The following DNMT1 variants were observed in gnomAD, a reference collection of about 807,000 sequenced individuals.
DNMT1 encodes the protein DNA methyltransferase 1.
Under a neutral mutation model 205.3 loss-of-function variants are expected in DNMT1, and 24 were observed. The ratio of observed to expected loss-of-function variants is 0.12; its 90% confidence interval spans 0.08 to 0.16. The LOEUF (loss-of-function observed/expected upper bound fraction) is 0.16, where lower values mean the gene tolerates loss of function less well. Among genes scored for constraint, DNMT1 ranks in the 10% least tolerant of loss-of-function variants. The pLI is 1.00. For synonymous variants in DNMT1, 817 were observed against 839.8 expected, an observed-to-expected ratio of 0.97 and a Z score of 0.47; for missense variants, 1,293 against 2,177.7, an observed-to-expected ratio of 0.59 and a Z score of 8.09.
Position 10,143,873 on chromosome 19 carries a change from G to A in DNMT1, c.3009C>T (p.Ala1003=). The change falls in exon 29 of 41, where the codon GCC becomes GCT. Residue 1003 remains alanine (A), a synonymous_variant. Coordinates refer to ENST00000359526, the MANE Select transcript of DNMT1 (RefSeq NM_001130823.3). The part of the protein sequence containing the change: ...SDYIKGSNLD[A]PEPYRIGRIK... Reference sequence around the variant, plus strand: ...TCCGGCCAATTCGGTAGGGCTCAGGGGCATCCAGGTTGCTGCCTTTGATGT... The same window carrying A: ...TCCGGCCAATTCGGTAGGGCTCAGGAGCATCCAGGTTGCTGCCTTTGATGT... 3 of 1,614,178 alleles carry A rather than the reference G, an allele frequency of 1.9e-6. No homozygotes were observed. Among genetic ancestry groups the A allele is most frequent in the Non-Finnish European group, 1.7e-6 (2 of 1,180,042 alleles).
intron 9 of DNMT1, among the ~76,000 whole-genome samples, 160 bp from the exon 10 acceptor site, chr19:10,168,524 T>G (rs2038739489): frequency 6.6e-6 from 1 of 152,162 alleles, no homozygotes. Flanking sequence ...GCCTGTAATC[T>G]CAGAACTTTG....
At chr19:10,142,332 A>AG in intron 29 of DNMT1, 112 bp from the exon 30 acceptor site, 1 of 1,475,118 alleles carries the variant, frequency 6.8e-7, no homozygotes, top group Non-Finnish European at 9.3e-7. Context: ...AAGACCCCCT[A>AG]GTTCGAGAAC....
intron 27 of DNMT1, among the ~76,000 whole-genome samples, chr19:10,148,273 G>C (rs2038246128): frequency 6.6e-6 from 1 of 151,368 alleles, no homozygotes; most frequent in South Asian, 2.1e-4. Flanking sequence ...AAGGCGGGCA[G>C]ATCACAAGGT....
At chr19:10,149,717 A>G (rs2038294780) in intron 25 of DNMT1, 60 bp from the exon 26 acceptor site, 26 of 1,611,566 alleles carry the variant, frequency 1.6e-5, no homozygotes, top group Non-Finnish European at 2.2e-5. Flanking sequence ...ATATGTGACC[A>G]AGTCTATGCA....
chr19:10,177,219 T>C, intron 6 of DNMT1, 73 bp downstream of exon 6: 1 of 1,369,248 alleles, frequency 7.3e-7, no homozygotes, highest in Non-Finnish European at 1.0e-6. Context: ...AATTGCCACG[T>C]GACGCCCTAC....
In DNMT1 at chr19:10,191,400, T is replaced by A. The variant is rs190441512; in HGVS notation, c.80+3420A>T. Reference sequence around the variant, plus strand: ...AAAAAAGTCTGTGGAGTGAGTCATATAAACTACAATTTCAATGTCTACCAC... The same window carrying A: ...AAAAAAGTCTGTGGAGTGAGTCATAAAAACTACAATTTCAATGTCTACCAC... On this transcript the variant is annotated intron_variant, in intron 1 of 40. Transcript: ENST00000359526. Among the ~76,000 whole-genome samples, 269 of 148,796 alleles carry A rather than the reference T, an allele frequency of 1.8e-3. 1 individual carries two copies. Among genetic ancestry groups the A allele is most frequent in the Non-Finnish European group, 2.7e-4 (18 of 67,544 alleles).
intron 12 of DNMT1, 155 bp from the exon 13 acceptor site, chr19:10,162,903 G>A (rs925150033): frequency 9.9e-5 from 72 of 730,558 alleles, no homozygotes; most frequent in Non-Finnish European, 1.5e-4. Flanking sequence ...ATCCCGAGAC[G>A]AGGCCTTCAG....
In DNMT1 at chr19:10,137,736, T is replaced by G; in HGVS notation, c.4293+96A>C. ...TCGGGAGGAGGAGCCTGGGATCAGA[T>G]TCCATGTCTCCCCTGAGTCTTGGGC... is the stretch of plus-strand genomic sequence containing the variant. On this transcript the variant is annotated intron_variant, in intron 36 of 40. Transcript: ENST00000359526. This position sits in a 1 kb window ranked among gnomAD's most constrained non-coding sequence, Gnocchi z 6.4. The G allele has an allele frequency of 2.0e-6, 3 of 1,494,972 alleles. No homozygotes were observed. Among genetic ancestry groups the G allele is most frequent in the Non-Finnish European group, 2.7e-6 (3 of 1,096,264 alleles). The allele number at this position is 1,494,972 out of a possible 1,614,324, so 92.6% of individuals were successfully genotyped here.
intron 1 of DNMT1, among the ~76,000 whole-genome samples, chr19:10,192,263 G>A (rs1453392650): frequency 1.3e-5 from 2 of 151,886 alleles, no homozygotes; most frequent in South Asian, 2.1e-4. Flanking sequence ...TCCAGCCTGG[G>A]TGACACAGTG....
chr19:10,183,979 G>A (rs1344730106), intron 1 of DNMT1, among the ~76,000 whole-genome samples: 1 of 152,214 alleles, frequency 6.6e-6, no homozygotes, highest in Non-Finnish European at 1.5e-5. Flanking sequence ...ACCTGAGCCT[G>A]GGAGGTCGAG....
chr19:10,153,176 G>T (rs1047289934), intron 22 of DNMT1, among the ~76,000 whole-genome samples: 1 of 152,130 alleles, frequency 6.6e-6, no homozygotes, highest in Non-Finnish European at 1.5e-5. Context: ...ATACACTCGC[G>T]AGAAGCTTTG....
intron 1 of DNMT1, 63 bp downstream of exon 1, chr19:10,194,757 G>T (rs2039372073): frequency 6.6e-7 from 1 of 1,526,418 alleles, no homozygotes; most frequent in Non-Finnish European, 8.8e-7. Context: ...CCGAGGGGAA[G>T]CGACCCCCCA....
At chr19:10,152,160 CAAAAAAAAAAAAA>C (rs56725732) in intron 22 of DNMT1, among the ~76,000 whole-genome samples, 10 of 14,334 alleles carry the variant, frequency 7.0e-4, no homozygotes, top group South Asian at 7.1e-3. Context: ...AACTCCATCT[CAAAAAAAAAAAAA>C]AAAAAAAAAA....
At chr19:10,165,637 C>T (rs1313485397) in intron 11 of DNMT1, among the ~76,000 whole-genome samples, 2 of 152,182 alleles carry the variant, frequency 1.3e-5, no homozygotes, top group Non-Finnish European at 1.5e-5. Context: ...AAGTGATCCA[C>T]CCACCTCAGC....
intron 11 of DNMT1, 118 bp downstream of exon 11, chr19:10,166,480 T>C: frequency 2.4e-6 from 3 of 1,266,586 alleles, no homozygotes; most frequent in South Asian, 1.2e-5. Flanking sequence ...GATGGCCCCA[T>C]GGAGCCTGGG....
intron 1 of DNMT1, among the ~76,000 whole-genome samples, chr19:10,183,302 A>T (rs925334182): frequency 6.6e-6 from 1 of 151,546 alleles, no homozygotes; most frequent in Non-Finnish European, 1.5e-5. Flanking sequence ...TTTAGCAGAG[A>T]CAGGGTTTCT....
intron 1 of DNMT1, among the ~76,000 whole-genome samples, chr19:10,184,958 G>A (rs900222772): frequency 6.6e-6 from 1 of 152,220 alleles, no homozygotes; most frequent in Non-Finnish European, 1.5e-5. Flanking sequence ...ATGCTTTGCT[G>A]GACCCATGTC....
intron 1 of DNMT1, among the ~76,000 whole-genome samples, chr19:10,189,328 A>G (rs1005792130): frequency 4.6e-5 from 7 of 152,014 alleles, no homozygotes; most frequent in South Asian, 4.2e-4. Flanking sequence ...TCACCGTGTT[A>G]GCCAGGATGG....
At chr19:10,160,996 A>G (rs1340086710) in intron 13 of DNMT1, among the ~76,000 whole-genome samples, 2 of 152,134 alleles carry the variant, frequency 1.3e-5, no homozygotes, top group African/African-American at 4.8e-5. Context: ...TGGACACCTC[A>G]AGGTAAACAA....
Sources: allele counts gnomAD v4.1 joint callset (sites outside exome capture counted in the v4.1 genomes callset), GRCh38; gene constraint gnomAD v4.1.1; non-coding constraint Gnocchi (gnomAD v3.1); transcripts MANE v1.5; gene names NCBI Gene and HGNC (gene_info 2026-07-23, HGNC 2026-07-21).